Variants in FRMD4B observed in about 807,000 individuals in gnomAD.
The protein encoded by FRMD4B is FERM domain containing 4B.
In FRMD4B, 74 loss-of-function variants were observed where a neutral mutation model predicts 141.5. The observed-to-expected ratio is 0.52, with a 90% CI of 0.43 to 0.63. FRMD4B has a LOEUF of 0.63. Ranked by LOEUF, FRMD4B falls within the 30% of genes least tolerant of loss-of-function variation. The pLI is 0.00. For missense variants in FRMD4B, 1,366 were observed against 1,253.4 expected, an observed-to-expected ratio of 1.09 and a Z score of -1.36; for synonymous variants, 506 against 467.9, an observed-to-expected ratio of 1.08 and a Z score of -1.05.
At chr3:69,493,626 T>C (rs1203702042) in intron 1 of FRMD4B, among the ~76,000 whole-genome samples, 1 of 152,146 alleles carries the variant, frequency 6.6e-6, no homozygotes, top group African/African-American at 2.4e-5. Flanking sequence ...TTATTCGCCC[T>C]CCTAGCATTT....
At position 69,445,641 on chromosome 3, in the gene FRMD4B, T is replaced by C. The variant is rs562194001; in HGVS notation, c.-128-12880A>G. Among the ~76,000 whole-genome samples the C allele has an allele frequency of 4.6e-5, 7 of 152,264 alleles. No homozygotes were observed. In the East Asian group the frequency reaches 9.6e-4, roughly 21 times the overall value. On this transcript the variant is annotated intron_variant, in intron 1 of 5. Transcript: ENST00000459638. Reference sequence around the variant, plus strand: ...CTCAATACACCCCACATTGGCCTCCTTTTCCCACCTTACTGGGTCAAGTCC... The same window carrying C: ...CTCAATACACCCCACATTGGCCTCCCTTTCCCACCTTACTGGGTCAAGTCC...
At chr3:69,504,003 T>C (rs957495371) in intron 1 of FRMD4B, among the ~76,000 whole-genome samples, 1 of 152,224 alleles carries the variant, frequency 6.6e-6, no homozygotes, top group African/African-American at 2.4e-5. Context: ...GGAATGGTCA[T>C]TGTATTAAAA....
At chr3:69,215,686 G>C (rs1206297009) in intron 11 of FRMD4B, among the ~76,000 whole-genome samples, 1 of 152,068 alleles carries the variant, frequency 6.6e-6, no homozygotes, top group Non-Finnish European at 1.5e-5. Flanking sequence ...AATAGCAGCA[G>C]AAGAAAGAAG....
intron 1 of FRMD4B, among the ~76,000 whole-genome samples, chr3:69,490,654 T>G (rs914953504): frequency 1.3e-5 from 2 of 152,212 alleles, no homozygotes; most frequent in African/African-American, 4.8e-5. Flanking sequence ...TACCTAACAG[T>G]AGCTTCTGTC....
intron 7 of FRMD4B, among the ~76,000 whole-genome samples, chr3:69,245,386 C>G (rs1001518926): frequency 6.6e-6 from 1 of 151,420 alleles, no homozygotes; most frequent in Admixed American, 6.6e-5. Context: ...GTTGCCCAGG[C>G]TGGAGTGCAG....
intron 2 of FRMD4B, among the ~76,000 whole-genome samples, chr3:69,426,754 CA>C (rs1297291204): frequency 3.3e-5 from 5 of 152,112 alleles, no homozygotes; most frequent in African/African-American, 4.8e-5. Context: ...ACCGTGAAAA[CA>C]CAGGGTCTAT....
Position 69,385,935 on chromosome 3 carries a change from A to T in FRMD4B, c.55T>A (p.Phe19Ile). 6.2e-7 allele frequency: 1 copy of T among 1,604,608 alleles called. No individual in the cohort carries two copies. The highest frequency in any genetic ancestry group is 8.5e-7 in the Non-Finnish European group (1 of 1,176,244). ...GTGGACACGGTCAAGTTCCATACGA[A>T]GCGGCTGCCGCTGAACAGCAGGTCC... Reference protein sequence around the residue: ...VEDLLFSGSRFVWNLTVSTLR... With the variant: ...VEDLLFSGSRIVWNLTVSTLR... Residue 19 changes from phenylalanine (F) to isoleucine (I), a missense_variant, in exon 1 of 23, where the codon TTC (phenylalanine) becomes ATC (isoleucine). Transcript: ENST00000398540.
chr3:69,187,635 C>A (rs998559724), intron 19 of FRMD4B, 135 bp downstream of exon 19: 1 of 656,888 alleles, frequency 1.5e-6, no homozygotes, highest in Non-Finnish European at 2.4e-6. Flanking sequence ...AGTTTCTATG[C>A]CCCAGTTTTA....
At chr3:69,405,702 C>T (rs916835980) in intron 2 of FRMD4B, among the ~76,000 whole-genome samples, 12 of 152,176 alleles carry the variant, frequency 7.9e-5, no homozygotes, top group Admixed American at 4.6e-4. Context: ...TTCTGCGATA[C>T]GCCACAACAT....
At chr3:69,542,560 C>T (rs1051032560) in exon 1 of FRMD4B, 2 of 152,598 alleles carry the variant, frequency 1.3e-5, no homozygotes, top group Non-Finnish European at 1.5e-5. Flanking sequence ...TCGCGTCCTT[C>T]CGTCCTGCCT....
chr3:69,501,024 G>C (rs1010932686), intron 1 of FRMD4B, among the ~76,000 whole-genome samples: 2 of 152,120 alleles, frequency 1.3e-5, no homozygotes, highest in Non-Finnish European at 2.9e-5. Flanking sequence ...GTGTGGTGTA[G>C]TTTAAGACAC....
At chr3:69,406,742 T>C (rs1262829711) in intron 2 of FRMD4B, among the ~76,000 whole-genome samples, 1 of 151,980 alleles carries the variant, frequency 6.6e-6, no homozygotes, top group Non-Finnish European at 1.5e-5. Context: ...TGTTTTTGTT[T>C]TTTTTTTAGA....
intron 1 of FRMD4B, among the ~76,000 whole-genome samples, chr3:69,479,034 CTTT>C (rs528996322): frequency 3.1e-4 from 24 of 77,626 alleles, no homozygotes; most frequent in South Asian, 4.2e-4. Context: ...CAACCCCTGC[CTTT>C]TTTTTGTTTT....
intron 1 of FRMD4B, among the ~76,000 whole-genome samples, chr3:69,444,388 C>T (rs1288316113): frequency 6.6e-6 from 1 of 152,136 alleles, no homozygotes. Context: ...GAATTGAGGA[C>T]ATCCAGTTGG....
At chr3:69,523,337 A>AT (rs1700881741) in intron 1 of FRMD4B, among the ~76,000 whole-genome samples, 1 of 152,162 alleles carries the variant, frequency 6.6e-6, no homozygotes, top group South Asian at 2.1e-4. Flanking sequence ...TCAATGTAAA[A>AT]TAAGGTTAAG....
intron 5 of FRMD4B, among the ~76,000 whole-genome samples, chr3:69,253,274 T>C (rs1181880361): frequency 1.4e-5 from 2 of 142,726 alleles, no homozygotes; most frequent in South Asian, 2.4e-4. Context: ...ACATGGCAAC[T>C]CTGGACTCCC....
intron 7 of FRMD4B, among the ~76,000 whole-genome samples, chr3:69,240,756 A>G (rs979745731): frequency 2.6e-5 from 4 of 152,180 alleles, no homozygotes; most frequent in African/African-American, 9.6e-5. Flanking sequence ...CTGTATTGTT[A>G]TGTGTTATGT....
At chr3:69,326,119 A>ATTTTT (rs371350022) in intron 1 of FRMD4B, among the ~76,000 whole-genome samples, 207 of 133,672 alleles carry the variant, frequency 1.5e-3, no homozygotes, top group African/African-American at 5.6e-3. Context: ...TGGCTAATCA[A>ATTTTT]TTTTTTTTTT....
chr3:69,263,253 T>C (rs1433170819), intron 5 of FRMD4B, among the ~76,000 whole-genome samples: 1 of 151,976 alleles, frequency 6.6e-6, no homozygotes, highest in African/African-American at 2.4e-5. Flanking sequence ...CAAGACTCCG[T>C]CTCAAAAATA....
Sources: gnomAD v4.1 joint callset for allele counts (sites outside exome capture counted in the v4.1 genomes callset) on GRCh38, gnomAD v4.1.1 for gene constraint, MANE v1.5 for transcripts, NCBI Gene and HGNC (gene_info 2026-07-23, HGNC 2026-07-21) for gene names.